The following TOM1L2 variants were observed in gnomAD, a reference collection of about 807,000 sequenced individuals.
The protein encoded by TOM1L2 is TOM1-like protein 2.
Under a neutral mutation model 67.9 loss-of-function variants are expected in TOM1L2, and 31 were observed. The observed-to-expected ratio is 0.46, with a 90% CI of 0.34 to 0.62. TOM1L2 has a LOEUF of 0.62. TOM1L2 is among the 20% of genes least tolerant of loss of function. The pLI, the probability that TOM1L2 is intolerant of heterozygous loss-of-function variation, is 0.01. For missense variants in TOM1L2, 606 were observed against 663.5 expected, an observed-to-expected ratio of 0.91 and a Z score of 0.95; for synonymous variants, 256 against 254.0, an observed-to-expected ratio of 1.01 and a Z score of -0.07.
At chr17:17,857,371 G>A (rs2036304411) in intron 12 of TOM1L2, among the ~76,000 whole-genome samples, 1 of 152,210 alleles carries the variant, frequency 6.6e-6, no homozygotes, top group Non-Finnish European at 1.5e-5. Context: ...GCTACAGAGG[G>A]CTTCCCTGAC....
Position 17,861,489 on chromosome 17 carries a change from T to C in TOM1L2, c.1265A>G (p.Gln422Arg), listed in dbSNP as rs747813834. 7 of 1,614,092 alleles carry C rather than the reference T, an allele frequency of 4.3e-6. No individual in the cohort carries two copies. In the East Asian group the frequency reaches 1.6e-4, roughly 36 times the overall value. Reference sequence around the variant, plus strand: ...TTAAAGACCTACCCCTTCTGAACTCTGTTTTCGATTGTCTAGTGCAGAAGC... The same window carrying C: ...TTAAAGACCTACCCCTTCTGAACTCCGTTTTCGATTGTCTAGTGCAGAAGC... ...GLASALDNRK[Q>R]SSEGIPVAQP... The change falls in exon 12 of 15, where the codon CAG (glutamine) becomes CGG (arginine). Residue 422 changes from glutamine (Q) to arginine (R), a missense_variant. By Grantham distance (43) the Gln-to-Arg change is conservative (BLOSUM62 1). Around this residue, in one of 2 missense-constraint regions of TOM1L2, gnomAD observed 543 missense variants for 554.0 expected, o/e 0.98. Coordinates refer to ENST00000379504, the MANE Select transcript of TOM1L2 (RefSeq NM_001082968.2).
rs568880206 is a variant in TOM1L2 at position 17,872,369 on chromosome 17, T to C, written c.778-2896A>G. Among the ~76,000 whole-genome samples, 4 of 152,348 alleles carry C rather than the reference T, an allele frequency of 2.6e-5. No individual in the cohort carries two copies. In the South Asian group the frequency reaches 8.3e-4, roughly 32 times the overall value. ...ATAGATTGTTAAAACACAGTGAGCA[T>C]CTGTTCAGGGCTGACAGAGGAGCAC... On this transcript the variant is annotated intron_variant, in intron 7 of 14. Coordinates refer to ENST00000379504, the MANE Select transcript of TOM1L2 (RefSeq NM_001082968.2).
intron 1 of TOM1L2, among the ~76,000 whole-genome samples, chr17:17,913,038 C>G (rs937154619): frequency 1.3e-5 from 2 of 152,126 alleles, no homozygotes; most frequent in African/African-American, 4.8e-5. Context: ...AATACGAAAA[C>G]CAGTCAGGCG....
chr17:17,850,952 T>G lies in TOM1L2; in HGVS notation c.1279A>C (p.Ile427Leu), dbSNP rs2035939554. ...LDNRKQSSEG[I>L]PVAQPSVMDD... ...ATGACAGATGGCTGCGCAACGGGGA[T>G]CTATGGAGGCGGCAAGCAGCGGGCC... Residue 427 changes from isoleucine to leucine, a missense_variant and splice_region_variant, in exon 13 of 15, where the codon ATC (isoleucine) becomes CTC (leucine). Around this residue, in one of 2 missense-constraint regions of TOM1L2, gnomAD observed 543 missense variants for 554.0 expected, o/e 0.98. Transcript: ENST00000379504. 1 of 1,613,688 alleles carries G rather than the reference T, an allele frequency of 6.2e-7. No homozygotes were observed. The highest frequency in any genetic ancestry group is 1.3e-5 in the African/African-American group (1 of 75,004).
rs2035585132 is a variant in TOM1L2 at position 17,845,302 on chromosome 17, C to T, written c.*2333G>A. The T allele has an allele frequency of 6.6e-6, 1 of 152,264 alleles. No individual in the cohort carries two copies. The highest frequency in any genetic ancestry group is 2.4e-5 in the African/African-American group (1 of 41,474). The allele number at this position is 152,264 out of a possible 1,614,324, so 9.4% of individuals were successfully genotyped here. On this transcript the variant is annotated 3_prime_UTR_variant, in exon 15 of 15. Coordinates refer to ENST00000379504, the MANE Select transcript of TOM1L2 (RefSeq NM_001082968.2). ...CATACAGGTCCACCACTCCCTGCTGCCCCTGGGGCAGCCAGGCCTCTCCAA... is the reference window on the plus strand; with the variant it reads ...CATACAGGTCCACCACTCCCTGCTGTCCCTGGGGCAGCCAGGCCTCTCCAA...
rs760476621 is a variant in TOM1L2, at chr17:17,972,335, G to A, written c.-22C>T. 5.8e-6 allele frequency: 9 copies of A among 1,549,448 alleles called. No individual in the cohort carries two copies. In the African/African-American group the frequency reaches 1.1e-4, roughly 19 times the overall value. The stretch of plus-strand genomic sequence containing the variant: ...CCATCTTGGGTGGACAACACGCAGC[G>A]GCCCGGGCCCCCTGTCTGCCACCTA... On this transcript the variant is annotated 5_prime_UTR_variant, in exon 1 of 15. Coordinates refer to ENST00000379504, the MANE Select transcript of TOM1L2 (RefSeq NM_001082968.2).
chr17:17,928,068 T>C (rs2040169473), intron 1 of TOM1L2, among the ~76,000 whole-genome samples: 1 of 152,150 alleles, frequency 6.6e-6, no homozygotes, highest in African/African-American at 2.4e-5. Flanking sequence ...CTGCCATGAA[T>C]TGATAATTGT....
chr17:17,952,938 G>A (rs1329458574), intron 1 of TOM1L2, among the ~76,000 whole-genome samples: 1 of 152,140 alleles, frequency 6.6e-6, no homozygotes, highest in Non-Finnish European at 1.5e-5. Flanking sequence ...GGTTGAAAAG[G>A]TGTATACACA....
intron 7 of TOM1L2, among the ~76,000 whole-genome samples, chr17:17,875,371 T>C (rs1189677926): frequency 6.6e-6 from 1 of 151,768 alleles, no homozygotes; most frequent in African/African-American, 2.4e-5. Context: ...ATGTCCTCTG[T>C]GGTGTCATCA....
intron 2 of TOM1L2, among the ~76,000 whole-genome samples, chr17:17,904,544 G>A (rs4925130): frequency 0.55 from 83,024 of 151,916 alleles, 25,156 homozygotes; most frequent in East Asian, 0.93. Context: ...GGGCCTGGTT[G>A]GGGTTTTTAA....
intron 14 of TOM1L2, 110 bp downstream of exon 14, chr17:17,848,713 C>A: frequency 8.0e-7 from 1 of 1,244,464 alleles, no homozygotes. Context: ...CAGGGCCTGG[C>A]ACCAGTAGGT....
intron 8 of TOM1L2, chr17:17,869,036 A>G (rs2037003805): frequency 9.5e-6 from 3 of 317,300 alleles, no homozygotes; most frequent in South Asian, 3.7e-5. Context: ...GAGGCCCCCA[A>G]GTGCTACCCC....
rs116845981 is a variant in TOM1L2 at position 17,954,904 on chromosome 17, T to C, written c.52+17358A>G. Among the ~76,000 whole-genome samples the C allele has an allele frequency of 5.4e-3, 824 of 152,162 alleles. 4 individuals carry two copies. The highest frequency in any genetic ancestry group is 0.01 in the Middle Eastern group (3 of 294). On this transcript the variant is annotated intron_variant, in intron 1 of 14. Coordinates refer to ENST00000379504, the MANE Select transcript of TOM1L2 (RefSeq NM_001082968.2). Reference sequence around the variant, plus strand: ...TACTACGCTCTAAGGCCAAGAGAGGTCCCAGAACCTCCATGGCAGTGTGGC... The same window carrying C: ...TACTACGCTCTAAGGCCAAGAGAGGCCCCAGAACCTCCATGGCAGTGTGGC...
intron 12 of TOM1L2, among the ~76,000 whole-genome samples, chr17:17,860,827 T>C (rs762120575): frequency 6.6e-6 from 1 of 152,224 alleles, no homozygotes; most frequent in Non-Finnish European, 1.5e-5. Flanking sequence ...ATGGTTATGT[T>C]TGGGGAGGCC....
At chr17:17,957,642 CAT>C (rs1199042524) in intron 1 of TOM1L2, among the ~76,000 whole-genome samples, 7 of 150,288 alleles carry the variant, frequency 4.7e-5, no homozygotes, top group Non-Finnish European at 8.9e-5. Context: ...TAAAGTATAA[CAT>C]ATTTATATAA....
At chr17:17,879,774 A>G (rs1420507187) in intron 6 of TOM1L2, 31 bp from the exon 7 acceptor site, 1 of 1,565,746 alleles carries the variant, frequency 6.4e-7, no homozygotes, top group Non-Finnish European at 8.8e-7. Context: ...GGAAAGCAGG[A>G]AGGAAAGGTC....
At chr17:17,920,559 C>T (rs1460569385) in intron 1 of TOM1L2, among the ~76,000 whole-genome samples, 1 of 151,882 alleles carries the variant, frequency 6.6e-6, no homozygotes, top group East Asian at 1.9e-4. Flanking sequence ...AGGCTGGTCT[C>T]GAACTCCTGA....
At chr17:17,862,968 C>A in intron 10 of TOM1L2, 120 bp from the exon 11 acceptor site, 3 of 211,868 alleles carry the variant, frequency 1.4e-5, no homozygotes, top group Admixed American at 6.4e-5. Context: ...GAGGGTGGGG[C>A]GGGACTTTCC....
chr17:17,849,663 G>A (rs1244976321), intron 13 of TOM1L2, among the ~76,000 whole-genome samples: 1 of 152,154 alleles, frequency 6.6e-6, no homozygotes, highest in Non-Finnish European at 1.5e-5. Flanking sequence ...GGGCAGGATG[G>A]GGAAGTGACA....
Sources: allele counts gnomAD v4.1 joint callset (sites outside exome capture counted in the v4.1 genomes callset), GRCh38; gene constraint gnomAD v4.1.1; regional missense constraint gnomAD v4.1.1; transcripts MANE v1.5; gene names NCBI Gene and HGNC (gene_info 2026-07-23, HGNC 2026-07-21).